Variants in KLF12 observed in about 807,000 individuals in gnomAD.
The protein encoded by KLF12 is KLF transcription factor 12, also known as Krueppel-like factor 12.
Under a neutral mutation model 37.8 loss-of-function variants are expected in KLF12, and 9 were observed. The observed-to-expected ratio is 0.24, with a 90% CI of 0.14 to 0.42. The LOEUF (loss-of-function observed/expected upper bound fraction) is 0.42, where lower values mean the gene tolerates loss of function less well. Ranked by LOEUF, KLF12 falls within the 10% of genes least tolerant of loss-of-function variation. The pLI, the probability that KLF12 is intolerant of heterozygous loss-of-function variation, is 1.00. For missense variants in KLF12, 411 were observed against 516.0 expected, an observed-to-expected ratio of 0.80 and a Z score of 1.97; for synonymous variants, 208 against 202.1, an observed-to-expected ratio of 1.03 and a Z score of -0.25.
chr13:73,749,498 A>T (rs1272268440), intron 6 of KLF12, among the ~76,000 whole-genome samples: 1 of 152,216 alleles, frequency 6.6e-6, no homozygotes, highest in Non-Finnish European at 1.5e-5. Context: ...TTAAAAAAAT[A>T]GCCACACAAA....
chr13:73,734,426 C>T (rs976921426), intron 6 of KLF12, among the ~76,000 whole-genome samples: 1 of 152,008 alleles, frequency 6.6e-6, no homozygotes, highest in Admixed American at 6.6e-5. Context: ...TCCCAAATAC[C>T]TAAAACAGTG....
chr13:74,083,493 GACACACACAC>G (rs61312097), intron 1 of KLF12, among the ~76,000 whole-genome samples: 3,232 of 136,502 alleles, frequency 0.024, 44 homozygotes, highest in Middle Eastern at 0.045. Flanking sequence ...GGCGATAGGA[GACACACACAC>G]ACACACACAC....
chr13:74,092,811 T>C (rs532290113), intron 1 of KLF12, among the ~76,000 whole-genome samples: 16 of 152,244 alleles, frequency 1.1e-4, no homozygotes, highest in African/African-American at 3.9e-4. Context: ...TAAGGAGACA[T>C]GCAAATAGCC....
At chr13:74,142,590 G>A in the KLF12 span, among the ~76,000 whole-genome samples, 1 of 152,096 alleles carries the variant, frequency 6.6e-6, no homozygotes, top group Admixed American at 6.5e-5. Context: ...CAAGAATTGT[G>A]TCTGACCACT....
chr13:74,114,315 G>C (rs924294642), intron 1 of KLF12, among the ~76,000 whole-genome samples: 3 of 152,130 alleles, frequency 2.0e-5, no homozygotes, highest in African/African-American at 7.2e-5. Context: ...TAGCAATGAA[G>C]TATTATTAAT....
At chr13:74,096,145 T>C (rs894657508) in intron 1 of KLF12, among the ~76,000 whole-genome samples, 7 of 152,218 alleles carry the variant, frequency 4.6e-5, no homozygotes. Context: ...CTTTCCCTTT[T>C]AGTTAGAAAG....
At chr13:73,976,634 T>A (rs1222825413) in intron 2 of KLF12, among the ~76,000 whole-genome samples, 1 of 152,186 alleles carries the variant, frequency 6.6e-6, no homozygotes, top group Non-Finnish European at 1.5e-5. Flanking sequence ...ACTCTCCTGC[T>A]TATAATTTTT....
chr13:73,850,974 T>C (rs1418794798), intron 3 of KLF12, among the ~76,000 whole-genome samples: 1 of 152,222 alleles, frequency 6.6e-6, no homozygotes, highest in African/African-American at 2.4e-5. Context: ...AAGACTTAGA[T>C]TCATCACCAA....
intron 6 of KLF12, 35 bp from the exon 7 acceptor site, chr13:73,715,560 T>C: frequency 6.2e-7 from 1 of 1,601,916 alleles, no homozygotes; most frequent in South Asian, 1.1e-5. Flanking sequence ...CACGGTGAGA[T>C]GCACACCGCC....
the KLF12 span, among the ~76,000 whole-genome samples, chr13:74,160,280 T>G: frequency 5.3e-5 from 8 of 152,192 alleles, no homozygotes; most frequent in Non-Finnish European, 7.3e-5. Context: ...TCTGAACCCA[T>G]GGAGACCTCA....
intron 6 of KLF12, among the ~76,000 whole-genome samples, chr13:73,747,064 G>T (rs1350432130): frequency 2.0e-5 from 3 of 152,036 alleles, no homozygotes; most frequent in African/African-American, 7.2e-5. Flanking sequence ...TGATCCACCT[G>T]CCTCAGCCTC....
chr13:74,072,216 T>C (rs1874293375), intron 1 of KLF12, among the ~76,000 whole-genome samples: 1 of 151,630 alleles, frequency 6.6e-6, no homozygotes, highest in Admixed American at 6.6e-5. Flanking sequence ...ATTTCTTTTG[T>C]ACCTATTAGC....
At chr13:73,840,801 A>G (rs1198259381) in intron 4 of KLF12, among the ~76,000 whole-genome samples, 1 of 151,996 alleles carries the variant, frequency 6.6e-6, no homozygotes, top group African/African-American at 2.4e-5. Flanking sequence ...TTGAGAACCT[A>G]CCAGATCCTT....
the KLF12 span, among the ~76,000 whole-genome samples, chr13:74,168,421 T>A: frequency 6.6e-6 from 1 of 152,230 alleles, no homozygotes; most frequent in South Asian, 2.1e-4. Flanking sequence ...TTTACTTGCG[T>A]GTGCCTAACA....
At chr13:73,703,027 A>T (rs1326045411) in intron 7 of KLF12, among the ~76,000 whole-genome samples, 1 of 152,144 alleles carries the variant, frequency 6.6e-6, no homozygotes. Context: ...CTGAAAGAGC[A>T]CACAGCCATA....
chr13:73,693,419 G>C lies in KLF12; in HGVS notation c.*2071C>G, dbSNP rs1009328066. 3 of 152,198 alleles carry C rather than the reference G, an allele frequency of 2.0e-5. No individual in the cohort carries two copies. Among genetic ancestry groups the C allele is most frequent in the African/African-American group, 7.2e-5 (3 of 41,448 alleles). 9.4% of individuals were successfully genotyped at this position (152,198 alleles called of 1,614,324 possible). On this transcript the variant is annotated 3_prime_UTR_variant, in exon 8 of 8. Coordinates refer to ENST00000377669, the MANE Select transcript of KLF12 (RefSeq NM_007249.5). ...CTGCAGCCCTTGTTGGAGGGAAATT[G>C]CTTGATGAATTTTTGAGACCTGGCA...
At chr13:74,213,026 T>G in the KLF12 span, among the ~76,000 whole-genome samples, 7 of 152,196 alleles carry the variant, frequency 4.6e-5, no homozygotes, top group African/African-American at 1.7e-4. Flanking sequence ...TGTAGAACAT[T>G]GTAGAAATTT....
At chr13:74,053,211 A>T (rs1383255168) in intron 1 of KLF12, among the ~76,000 whole-genome samples, 1 of 152,204 alleles carries the variant, frequency 6.6e-6, no homozygotes. Context: ...TGAATACAGC[A>T]TTGATAGTGA....
intron 1 of KLF12, among the ~76,000 whole-genome samples, chr13:74,021,602 T>C (rs1892843620): frequency 6.6e-6 from 1 of 152,114 alleles, no homozygotes; most frequent in Admixed American, 6.5e-5. Flanking sequence ...ACCCCATGAC[T>C]ACACTTCAGT....
Sources: allele counts gnomAD v4.1 joint callset (sites outside exome capture counted in the v4.1 genomes callset), GRCh38; gene constraint gnomAD v4.1.1; transcripts MANE v1.5; gene names NCBI Gene and HGNC (gene_info 2026-07-23, HGNC 2026-07-21).